Variants in FBN1 observed in about 807,000 individuals in gnomAD.
FBN1 encodes the protein fibrillin 1, also known as fibrillin-1.
Under a neutral mutation model 365.1 loss-of-function variants are expected in FBN1, and 29 were observed. That is an observed-to-expected ratio of 0.08 (90% CI 0.06 to 0.11). The LOEUF (loss-of-function observed/expected upper bound fraction) is 0.11. Ranked by LOEUF, FBN1 falls within the 10% of genes least tolerant of loss-of-function variation. The pLI is 1.00. For missense variants in FBN1, 2,476 were observed against 3,703.2 expected, an observed-to-expected ratio of 0.67 and a Z score of 8.60; for synonymous variants, 1,210 against 1,270.5, an observed-to-expected ratio of 0.95 and a Z score of 1.01.
chr15:48,516,431 C>T, intron 10 of FBN1, 69 bp from the exon 11 acceptor site: 1 of 1,464,358 alleles, frequency 6.8e-7, no homozygotes. Context: ...CCACAGAAGT[C>T]ATCCTTATTT....
intron 4 of FBN1, among the ~76,000 whole-genome samples, chr15:48,609,534 C>T (rs964567843): frequency 1.3e-5 from 2 of 152,224 alleles, no homozygotes; most frequent in Non-Finnish European, 2.9e-5. Flanking sequence ...AGCGAGGGCT[C>T]GGTCCCACTG....
chr15:48,516,444 T>C lies in FBN1; in HGVS notation c.1148-82A>G, dbSNP rs189459862. ...GCCCACAGAAGTCATCCTTATTTTT[T>C]TAAAGATATTTTTGAATAAAATTGA... On this transcript the variant is annotated intron_variant, in intron 10 of 65. Transcript: ENST00000316623. 69 of 1,400,632 alleles carry C rather than the reference T, an allele frequency of 4.9e-5. No individual in the cohort carries two copies. The East Asian group carries it at 5.7e-4, about 11-fold the overall frequency. 86.8% of individuals were successfully genotyped at this position (1,400,632 alleles called of 1,614,324 possible). A position where few individuals can be genotyped will look rare whatever the true frequency, so the allele number is the denominator to read the frequency against.
intron 8 of FBN1, chr15:48,529,131 T>C (rs1287375030): frequency 6.6e-6 from 1 of 152,250 alleles, no homozygotes; most frequent in East Asian, 1.9e-4. Flanking sequence ...ATGCCAGCCA[T>C]GAAAGCAAAC....
At chr15:48,634,860 CACACA>C (rs1258596035) in intron 2 of FBN1, among the ~76,000 whole-genome samples, 9 of 41,494 alleles carry the variant, frequency 2.2e-4, no homozygotes, top group East Asian at 1.5e-3. Flanking sequence ...AAAAAAACCA[CACACA>C]CACACACACA....
intron 4 of FBN1, among the ~76,000 whole-genome samples, chr15:48,608,450 C>T (rs562943411): frequency 4.6e-5 from 7 of 152,332 alleles, no homozygotes; most frequent in African/African-American, 1.7e-4. Context: ...AATGGCACAG[C>T]TGTTCCCTAG....
In FBN1 at chr15:48,437,081, A is replaced by G. The variant is rs776185451; in HGVS notation, c.6380-4T>C. ...GGTTCTTTGCATTCGTCCATATCTT[A>G]AGCAAGAGAAAAAAAATAGTGAATA... On this transcript the variant is annotated splice_region_variant and splice_polypyrimidine_tract_variant and intron_variant, in intron 52 of 65. Coordinates refer to ENST00000316623, the MANE Select transcript of FBN1 (RefSeq NM_000138.5). The G allele has an allele frequency of 6.3e-7, 1 of 1,584,936 alleles. No homozygotes were observed. The highest frequency in any genetic ancestry group is 1.7e-5 in the Admixed American group (1 of 59,900).
chr15:48,641,816 C>T (rs1034289891), intron 2 of FBN1: 3 of 151,916 alleles, frequency 2.0e-5, no homozygotes, highest in Non-Finnish European at 4.4e-5. Flanking sequence ...AGCAGGGCAC[C>T]GTTAAAGGAT....
chr15:48,466,441 A>C (rs1286629762), intron 38 of FBN1, among the ~76,000 whole-genome samples: 1 of 152,196 alleles, frequency 6.6e-6, no homozygotes, highest in Non-Finnish European at 1.5e-5. Flanking sequence ...GGTTTCCCCC[A>C]TTAATTCTTT....
chr15:48,413,743 ATTAT>A (rs2042881509), intron 64 of FBN1, among the ~76,000 whole-genome samples: 1 of 152,314 alleles, frequency 6.6e-6, no homozygotes, highest in East Asian at 1.9e-4. Flanking sequence ...TAGACCAAAA[ATTAT>A]TTATCTGTTT....
At chr15:48,486,092 A>G (rs2043504196) in intron 29 of FBN1, among the ~76,000 whole-genome samples, 1 of 152,214 alleles carries the variant, frequency 6.6e-6, no homozygotes, top group African/African-American at 2.4e-5. Context: ...ACAGATGAAC[A>G]ATTAATTGCA....
At chr15:48,422,150 G>A (rs925822519) in intron 60 of FBN1, 82 bp from the exon 61 acceptor site, 6 of 941,376 alleles carry the variant, frequency 6.4e-6, no homozygotes, top group South Asian at 5.3e-5. Flanking sequence ...GCAGCTCCAC[G>A]TTTGATTTGG....
chr15:48,427,134 G>A (rs1417402883), intron 58 of FBN1, among the ~76,000 whole-genome samples: 1 of 152,116 alleles, frequency 6.6e-6, no homozygotes, highest in Non-Finnish European at 1.5e-5. Context: ...AGATGCAATT[G>A]TGTCTAATTG....
chr15:48,515,423 T>C lies in FBN1; in HGVS notation c.1432A>G (p.Lys478Glu). 6.2e-7 allele frequency: 1 copy of C among 1,614,030 alleles called. No individual in the cohort carries two copies. The highest frequency in any genetic ancestry group is 1.1e-5 in the South Asian group (1 of 91,080). The change falls in exon 12 of 66, where the codon AAA (lysine) becomes GAA (glutamate). Residue 478 changes from lysine to glutamate, a missense_variant. By Grantham distance (56) the Lys-to-Glu change is moderately conservative. Transcript: ENST00000316623. Reference sequence around the variant, plus strand: ...CCACGGAGGTCCAGCTGGAACCCTTTGTTGCACTCACACCGGTAACTCCCA... The same window carrying C: ...CCACGGAGGTCCAGCTGGAACCCTTCGTTGCACTCACACCGGTAACTCCCA... ...TPGSYRCECN[K>E]GFQLDLRGEC...
At chr15:48,453,199 C>T (rs968484002) in intron 44 of FBN1, among the ~76,000 whole-genome samples, 10 of 150,178 alleles carry the variant, frequency 6.7e-5, no homozygotes, top group South Asian at 4.2e-4. Flanking sequence ...GAGGTAGCAG[C>T]GAGCCAAGAT....
rs772261791 is a variant in FBN1, at chr15:48,420,815, G to A, written c.7700-9C>T. 9 of 1,613,226 alleles carry A rather than the reference G, an allele frequency of 5.6e-6. No individual in the cohort carries two copies. The highest frequency in any genetic ancestry group is 7.6e-6 in the Non-Finnish European group (9 of 1,179,974). On this transcript the variant is annotated splice_polypyrimidine_tract_variant and intron_variant, in intron 62 of 65. Transcript: ENST00000316623. Reference sequence around the variant, plus strand: ...CTCACACTCGTCCACGTCTGAAAAAGAAGCAGAGCCACCATGATGCCAACT... The same window carrying A: ...CTCACACTCGTCCACGTCTGAAAAAAAAGCAGAGCCACCATGATGCCAACT...
intron 60 of FBN1, among the ~76,000 whole-genome samples, chr15:48,425,036 C>CA (rs1220836335): frequency 6.6e-6 from 1 of 152,136 alleles, no homozygotes; most frequent in Non-Finnish European, 1.5e-5. Context: ...AGAATAAATA[C>CA]AAAAAACAGA....
At chr15:48,513,423 A>G (rs2043776243) in intron 13 of FBN1, 126 bp downstream of exon 13, 1 of 1,393,442 alleles carries the variant, frequency 7.2e-7, no homozygotes, top group African/African-American at 1.4e-5. Context: ...AACTAAGTTC[A>G]AAAAAGCCAC....
chr15:48,473,842 A>G (rs1047967365), intron 34 of FBN1, among the ~76,000 whole-genome samples: 1 of 152,196 alleles, frequency 6.6e-6, no homozygotes, highest in African/African-American at 2.4e-5. Flanking sequence ...GGCTAGGCAT[A>G]TAAAAGGAAG....
intron 45 of FBN1, among the ~76,000 whole-genome samples, chr15:48,449,752 A>G (rs2043186359): frequency 6.6e-6 from 1 of 152,210 alleles, no homozygotes; most frequent in Non-Finnish European, 1.5e-5. Context: ...AAGAAAGCAA[A>G]TGGAGTGTCA....
Sources: allele counts gnomAD v4.1 joint callset (sites outside exome capture counted in the v4.1 genomes callset), GRCh38; gene constraint gnomAD v4.1.1; transcripts MANE v1.5; gene names NCBI Gene and HGNC (gene_info 2026-07-23, HGNC 2026-07-21).